C12orf42: variants seen among roughly 807,000 people sequenced by gnomAD.
C12orf42 encodes chromosome 12 open reading frame 42.
C12orf42 carries 25 observed loss-of-function variants against 21.6 expected under a neutral mutation model. The ratio of observed to expected loss-of-function variants is 1.16; its 90% CI spans 0.84 to 1.62. C12orf42 has a LOEUF of 1.62. Among genes scored for constraint, C12orf42 ranks in the 40% most tolerant of loss-of-function variants. The probability of loss-of-function intolerance (pLI) is 0.00; values close to 1 mark genes in which losing one functional copy is unlikely to be tolerated. For synonymous variants in C12orf42, 174 were observed against 175.0 expected (o/e 0.99, Z 0.05); for missense variants, 483 against 459.3 (o/e 1.05, Z -0.47).
chr12:103,155,647 T>C, the C12orf42 span, among the ~76,000 whole-genome samples: 2 of 98,684 alleles, frequency 2.0e-5, no homozygotes, highest in African/African-American at 8.0e-5. Context: ...ATTTTATATG[T>C]ATGTGTGTGT....
rs76175244 is a variant in C12orf42, at chr12:103,309,744, G to A, written c.260-3399C>T. ...ATTTCTACCAGGTAGAAGCAACCGT[G>A]CTGGACTGTAAAAACTTGTAGCAAG... On this transcript the variant is annotated intron_variant, in intron 4 of 5. Coordinates refer to ENST00000548883, the MANE Select transcript of C12orf42 (RefSeq NM_198521.5). Among the ~76,000 whole-genome samples, 1,750 of 152,334 alleles carry A rather than the reference G, an allele frequency of 0.011. 99 individuals are homozygous for A. The East Asian group carries it at 0.2, about 17-fold the overall frequency.
the C12orf42 span, among the ~76,000 whole-genome samples, chr12:103,068,971 A>ATATATATAATCCATAT: frequency 1.0e-5 from 1 of 99,660 alleles, no homozygotes; most frequent in East Asian, 2.4e-4. Context: ...ATATATATAT[A>ATATATATAATCCATAT]TATATATATA....
chr12:103,113,656 C>T, the C12orf42 span, among the ~76,000 whole-genome samples: 1 of 152,090 alleles, frequency 6.6e-6, no homozygotes, highest in Non-Finnish European at 1.5e-5. Flanking sequence ...CCTGACCCCA[C>T]CAACAAAGAA....
chr12:103,527,446 T>G, the C12orf42 span, among the ~76,000 whole-genome samples: 1 of 152,202 alleles, frequency 6.6e-6, no homozygotes, highest in African/African-American at 2.4e-5. Context: ...AATAGATTAG[T>G]GCCCACTAGG....
chr12:103,386,177 C>T (rs2046594363), intron 3 of C12orf42, among the ~76,000 whole-genome samples: 1 of 152,100 alleles, frequency 6.6e-6, no homozygotes, highest in Non-Finnish European at 1.5e-5. Context: ...TTGGCAAAGC[C>T]AGGATTTGAA....
the C12orf42 span, among the ~76,000 whole-genome samples, chr12:103,516,635 A>G: frequency 6.6e-6 from 1 of 152,202 alleles, no homozygotes; most frequent in Non-Finnish European, 1.5e-5. Context: ...GAGCTCACTC[A>G]CTATCATGAG....
chr12:103,324,829 G>A (rs915500342), intron 4 of C12orf42, among the ~76,000 whole-genome samples: 1 of 152,204 alleles, frequency 6.6e-6, no homozygotes, highest in Non-Finnish European at 1.5e-5. Context: ...CCATGGGGCT[G>A]CAGAGCTCCT....
intron 2 of C12orf42, among the ~76,000 whole-genome samples, chr12:103,457,033 TAG>T (rs918472979): frequency 7.2e-5 from 11 of 152,172 alleles, no homozygotes; most frequent in Non-Finnish European, 1.3e-4. Flanking sequence ...CCATGCATAA[TAG>T]AGAGAAAAAA....
At chr12:103,258,974 A>C (rs1362779485) in intron 10 of C12orf42, among the ~76,000 whole-genome samples, 2 of 152,200 alleles carry the variant, frequency 1.3e-5, no homozygotes, top group Non-Finnish European at 2.9e-5. Context: ...CATAAGAGAA[A>C]AAATGGCCAA....
chr12:103,131,737 G>A, the C12orf42 span, among the ~76,000 whole-genome samples: 1 of 152,170 alleles, frequency 6.6e-6, no homozygotes, highest in Non-Finnish European at 1.5e-5. Context: ...CCTGATAGTG[G>A]TGGCAGTAAT....
At chr12:103,241,962 A>C (rs550306974) in intron 10 of C12orf42, among the ~76,000 whole-genome samples, 14 of 152,334 alleles carry the variant, frequency 9.2e-5, no homozygotes, top group African/African-American at 3.1e-4. Context: ...TTTAGTGCCT[A>C]TACATTTATT....
the C12orf42 span, among the ~76,000 whole-genome samples, chr12:103,525,659 T>G: frequency 2.6e-5 from 4 of 152,312 alleles, no homozygotes; most frequent in Non-Finnish European, 4.4e-5. Flanking sequence ...TAAAGTAGTA[T>G]TATTACAATT....
At chr12:103,157,754 G>A in the C12orf42 span, among the ~76,000 whole-genome samples, 3 of 152,134 alleles carry the variant, frequency 2.0e-5, no homozygotes, top group Non-Finnish European at 2.9e-5. Context: ...GTTTTTGGCA[G>A]GTTTGTAGAA....
chr12:103,271,703 A>G (rs2035486816), intron 5 of C12orf42, among the ~76,000 whole-genome samples: 1 of 152,160 alleles, frequency 6.6e-6, no homozygotes, highest in African/African-American at 2.4e-5. Context: ...GAGTAAGGCC[A>G]AGGACACAGG....
intron 4 of C12orf42, among the ~76,000 whole-genome samples, chr12:103,343,149 A>G (rs546937616): frequency 1.4e-4 from 21 of 152,356 alleles, no homozygotes; most frequent in Middle Eastern, 3.4e-3. Context: ...TCTACACCCA[A>G]GAAACCCACA....
chr12:103,256,109 TATAC>T (rs1307628865), intron 10 of C12orf42, among the ~76,000 whole-genome samples: 1,726 of 43,722 alleles, frequency 0.039, 19 homozygotes, highest in African/African-American at 0.049. Context: ...TATATATATA[TATAC>T]ACACACACAC....
chr12:103,507,975 G>C, the C12orf42 span, among the ~76,000 whole-genome samples: 1 of 152,144 alleles, frequency 6.6e-6, no homozygotes, highest in Non-Finnish European at 1.5e-5. Context: ...TGAAGTGAGA[G>C]GGCTGGGCAT....
intron 3 of C12orf42, among the ~76,000 whole-genome samples, chr12:103,396,317 T>C (rs995333057): frequency 3.9e-5 from 6 of 152,104 alleles, no homozygotes; most frequent in Non-Finnish European, 8.8e-5. Flanking sequence ...GAAGAGGTAC[T>C]TGCTTCTCCT....
At chr12:103,507,787 G>A in the C12orf42 span, among the ~76,000 whole-genome samples, 1 of 152,110 alleles carries the variant, frequency 6.6e-6, no homozygotes, top group Non-Finnish European at 1.5e-5. Context: ...AGAGGCATCA[G>A]GCATAACCAT....
Sources: gnomAD v4.1 joint callset for allele counts (sites outside exome capture counted in the v4.1 genomes callset) on GRCh38, gnomAD v4.1.1 for gene constraint, MANE v1.5 for transcripts, NCBI Gene and HGNC (gene_info 2026-07-23, HGNC 2026-07-21) for gene names.